PMFBP1: variants seen among roughly 807,000 people sequenced by gnomAD.
The protein encoded by PMFBP1 is polyamine modulated factor 1 binding protein 1, also known as polyamine-modulated factor 1-binding protein 1.
A neutral mutation model predicts 137.8 loss-of-function variants in PMFBP1; 131 were observed. That is an observed-to-expected ratio of 0.95 (90% confidence interval 0.82 to 1.10). The LOEUF (loss-of-function observed/expected upper bound fraction) is 1.10. Ranked by LOEUF, PMFBP1 falls within the 50% of genes least tolerant of loss-of-function variation. The pLI, the probability that PMFBP1 is intolerant of heterozygous loss-of-function variation, is 0.00. For synonymous variants in PMFBP1, 490 were observed against 450.4 expected (o/e 1.09, Z -1.11); for missense variants, 1,199 against 1,175.4 (o/e 1.02, Z -0.29).
rs1182803058 is a variant in PMFBP1, at chr16:72,154,240, G to A, written c.385C>T (p.His129Tyr). 1.9e-6 allele frequency: 3 copies of A among 1,614,122 alleles called. No homozygotes were observed. The highest frequency in any genetic ancestry group is 8.5e-7 in the Non-Finnish European group (1 of 1,180,002). Residue 129 changes from histidine (H) to tyrosine (Y), a missense_variant, in exon 4 of 21, where the codon CAC becomes TAC. Physicochemically the swap from His to Tyr is moderately conservative, Grantham distance 83 (BLOSUM62 2). Transcript: ENST00000237353. Reference sequence around the variant, plus strand: ...TCTTCTTTCAGTTTGCAGTGATGGTGCAGAAGAACCAGGTCGGAAGTCTGC... The same window carrying A: ...TCTTCTTTCAGTTTGCAGTGATGGTACAGAAGAACCAGGTCGGAAGTCTGC... ...EKQTSDLVLL[H>Y]HHCKLKEDEV...
At chr16:72,207,901 T>C in the PMFBP1 span, among the ~76,000 whole-genome samples, 5 of 151,962 alleles carry the variant, frequency 3.3e-5, no homozygotes, top group Non-Finnish European at 7.4e-5. Flanking sequence ...TACCTGAGCA[T>C]AGTACAAATT....
the PMFBP1 span, among the ~76,000 whole-genome samples, chr16:72,237,258 C>T: frequency 2.6e-5 from 4 of 152,164 alleles, no homozygotes; most frequent in Admixed American, 6.6e-5. Context: ...GGTTCTGGTT[C>T]TGCTCTCTGG....
Position 72,126,131 on chromosome 16 carries a change from A to G in PMFBP1, c.2090T>C (p.Ile697Thr). ...QQVIQDLNKE[I>T]ALQKESLMSL... Reference sequence around the variant, plus strand: ...CATTAAGGACTCCTTCTGAAGGGCTATCTTTAAGGAGGGAGAGCAGAACTG... The same window carrying G: ...CATTAAGGACTCCTTCTGAAGGGCTGTCTTTAAGGAGGGAGAGCAGAACTG... Residue 697 changes from isoleucine (I) to threonine (T), a missense_variant and splice_region_variant, in exon 15 of 21, where the codon ATA becomes ACA. Transcript: ENST00000237353. The G allele has an allele frequency of 1.2e-6, 2 of 1,613,846 alleles. No individual in the cohort carries two copies. The highest frequency in any genetic ancestry group is 1.7e-6 in the Non-Finnish European group (2 of 1,179,870).
At chr16:72,150,556 A>C in intron 5 of PMFBP1, 52 bp downstream of exon 5, 3 of 1,568,180 alleles carry the variant, frequency 1.9e-6, no homozygotes, top group Non-Finnish European at 2.6e-6. Flanking sequence ...TGAGGGGACC[A>C]CCTGGGAGCA....
At chr16:72,234,065 A>G in the PMFBP1 span, among the ~76,000 whole-genome samples, 9 of 152,248 alleles carry the variant, frequency 5.9e-5, no homozygotes, top group East Asian at 1.9e-4. Flanking sequence ...TTGTGTGGAC[A>G]TATGTTTTCA....
Position 72,124,911 on chromosome 16 carries a change from T to A in PMFBP1, c.2445A>T (p.Leu815=), listed in dbSNP as rs774978979. The change falls in exon 17 of 21, where the codon CTA becomes CTT. Residue 815 remains leucine, a synonymous_variant. Transcript: ENST00000237353. The part of the protein sequence containing the change: ...ELEVHAFDKK[L]EEMSCQVLQW... ...GCAGCACCTGGCAGCTCATCTCCTCTAGCTTCTTGTCAAAGGCGTGCACCT... is the reference window on the plus strand; with the variant it reads ...GCAGCACCTGGCAGCTCATCTCCTCAAGCTTCTTGTCAAAGGCGTGCACCT... 1.9e-6 allele frequency: 3 copies of A among 1,613,778 alleles called. No individual in the cohort carries two copies. The African/African-American group carries it at 4.0e-5, about 22-fold the overall frequency.
the PMFBP1 span, among the ~76,000 whole-genome samples, chr16:72,185,410 C>T: frequency 6.6e-6 from 1 of 152,052 alleles, no homozygotes. Flanking sequence ...TTCTTGGACA[C>T]ACACCCAGTC....
At chr16:72,196,921 T>C in the PMFBP1 span, among the ~76,000 whole-genome samples, 16 of 152,374 alleles carry the variant, frequency 1.1e-4, no homozygotes, top group Middle Eastern at 6.8e-3. Flanking sequence ...AAGTGCAGTG[T>C]GACTTACATT....
In PMFBP1 at chr16:72,125,889, T is replaced by C. The variant is rs111789069; in HGVS notation, c.2253+79A>G. 223 of 1,519,956 alleles carry C rather than the reference T, an allele frequency of 1.5e-4. 2 individuals carry two copies. Among genetic ancestry groups the C allele is most frequent in the African/African-American group, 7.2e-4 (52 of 72,380 alleles). 94.2% of individuals were successfully genotyped at this position (1,519,956 alleles called of 1,614,324 possible). On this transcript the variant is annotated intron_variant, in intron 15 of 20. Transcript: ENST00000237353. ...CCATTGACAGTCAATAGGCAGGAAATTGGCTCCTGTGCTTCTCCCGCTACC... is the reference window on the plus strand; with the variant it reads ...CCATTGACAGTCAATAGGCAGGAAACTGGCTCCTGTGCTTCTCCCGCTACC...
intron 12 of PMFBP1, 90 bp downstream of exon 12, chr16:72,130,123 G>A: frequency 6.5e-7 from 1 of 1,542,334 alleles, no homozygotes; most frequent in Non-Finnish European, 8.8e-7. Context: ...GCAAAGAGCT[G>A]AGATTACAGG....
chr16:72,127,059 T>C (rs2042471777), intron 14 of PMFBP1, among the ~76,000 whole-genome samples: 1 of 152,258 alleles, frequency 6.6e-6, no homozygotes, highest in Non-Finnish European at 1.5e-5. Context: ...CTTCTGAGTC[T>C]GGAAGCCAGA....
At chr16:72,133,277 C>T (rs1391558558) in intron 9 of PMFBP1, among the ~76,000 whole-genome samples, 1 of 151,948 alleles carries the variant, frequency 6.6e-6, no homozygotes, top group Non-Finnish European at 1.5e-5. Flanking sequence ...CTCCCATGTT[C>T]AAGCCATTTT....
At chr16:72,143,300 TGC>T (rs2042750781) in intron 5 of PMFBP1, among the ~76,000 whole-genome samples, 1 of 152,224 alleles carries the variant, frequency 6.6e-6, no homozygotes, top group Non-Finnish European at 1.5e-5. Context: ...GCTCTAGAGA[TGC>T]TGGTCAATAC....
chr16:72,239,926 C>A, the PMFBP1 span, among the ~76,000 whole-genome samples: 26 of 148,088 alleles, frequency 1.8e-4, no homozygotes, highest in Middle Eastern at 3.5e-3. Context: ...AAGAATGTTC[C>A]TGTTGTCATT....
the PMFBP1 span, among the ~76,000 whole-genome samples, chr16:72,248,807 A>C: frequency 6.6e-6 from 1 of 152,176 alleles, no homozygotes; most frequent in South Asian, 2.1e-4. Flanking sequence ...TAATGTTTGA[A>C]TTAGTTTTAA....
chr16:72,141,162 G>C (rs1253876457), intron 5 of PMFBP1, among the ~76,000 whole-genome samples: 2 of 151,950 alleles, frequency 1.3e-5, no homozygotes, highest in Non-Finnish European at 2.9e-5. Context: ...GTCTCAAACT[G>C]CTAACCTCAG....
At chr16:72,241,686 C>A in the PMFBP1 span, among the ~76,000 whole-genome samples, 1 of 152,138 alleles carries the variant, frequency 6.6e-6, no homozygotes, top group East Asian at 1.9e-4. Context: ...AACATCCCTT[C>A]GCTTGTGTTG....
chr16:72,235,081 T>A, the PMFBP1 span, among the ~76,000 whole-genome samples: 23 of 152,320 alleles, frequency 1.5e-4, no homozygotes, highest in African/African-American at 5.5e-4. Context: ...TTGTTGCTCA[T>A]GCTTTTGGTG....
At chr16:72,153,936 ACAC>A (rs2042941563) in intron 4 of PMFBP1, among the ~76,000 whole-genome samples, 1 of 149,010 alleles carries the variant, frequency 6.7e-6, no homozygotes, top group Non-Finnish European at 1.5e-5. Context: ...ACACACACAC[ACAC>A]ACACACACAC....
Sources: gnomAD v4.1 joint callset for allele counts (sites outside exome capture counted in the v4.1 genomes callset) on GRCh38, gnomAD v4.1.1 for gene constraint, MANE v1.5 for transcripts, NCBI Gene and HGNC (gene_info 2026-07-23, HGNC 2026-07-21) for gene names.